The following HMX1 variants were observed in gnomAD, a reference collection of about 807,000 sequenced individuals.
HMX1 encodes H6 family homeobox 1, also known as homeobox protein HMX1.
In HMX1, 8 loss-of-function variants were observed where a neutral mutation model predicts 8.9. The ratio of observed to expected loss-of-function variants is 0.90; its 90% CI spans 0.53 to 1.63. The LOEUF is 1.63. HMX1 is among the 40% of genes most tolerant of loss of function. The pLI is 0.00. For missense variants in HMX1, 621 were observed against 558.5 expected, an observed-to-expected ratio of 1.11 and a Z score of -1.13; for synonymous variants, 311 against 283.4, an observed-to-expected ratio of 1.10 and a Z score of -0.98.
In HMX1 at chr4:8,871,095, C is replaced by A. The variant is rs1722197388; in HGVS notation, c.394+126G>T. 1.9e-6 allele frequency: 2 copies of A among 1,077,616 alleles called. No individual in the cohort carries two copies. Among genetic ancestry groups the A allele is most frequent in the Non-Finnish European group, 2.4e-6 (2 of 845,344 alleles). The allele number at this position is 1,077,616 out of a possible 1,614,324, so 66.8% of individuals were successfully genotyped here. A position where few individuals can be genotyped will look rare whatever the true frequency, so the allele number is the denominator to read the frequency against. On this transcript the variant is annotated intron_variant, in intron 1 of 1. Transcript: ENST00000400677. This position sits in a 1 kb window ranked among gnomAD's most constrained non-coding sequence, Gnocchi z 4.8. ...TCCTGGGGGCCCCACAAGGCCCAGA[C>A]GCCGTTCCACAGAAGGGAGAGGATG...
At chr4:8,857,003 G>A (rs1270773581) in intron 1 of HMX1, among the ~76,000 whole-genome samples, 1 of 152,040 alleles carries the variant, frequency 6.6e-6, no homozygotes, top group Non-Finnish European at 1.5e-5. Flanking sequence ...AGGATCACTC[G>A]AGCCCAGGAA....
In HMX1 at chr4:8,867,714, CGCCCGCAGAAA is replaced by C. The variant is rs1722051931; in HGVS notation, c.1015_1025del (p.Phe339AlafsTer37). 1 of 1,276,408 alleles carries C rather than the reference CGCCCGCAGAAA, an allele frequency of 7.8e-7. No homozygotes were observed. The highest frequency in any genetic ancestry group is 9.8e-7 in the Non-Finnish European group (1 of 1,015,436). The allele number at this position is 1,276,408 out of a possible 1,614,324, so 79.1% of individuals were successfully genotyped here. On this transcript the variant is annotated frameshift_variant, in exon 2 of 2. Transcript: ENST00000400677. LOFTEE classifies it high-confidence loss of function. ...GGGCTCACACCAGGCCAGGCATCTG[CGCCCGCAGAAA>C]GGGCACGGAGGCGGCGGCCGGGAAG...
At position 8,846,357 on chromosome 4, in the gene HMX1, C is replaced by T. The variant is rs145584732; in HGVS notation, c.395-33G>A. On this transcript the variant is annotated intron_variant, in intron 1 of 1. Transcript: ENST00000506970. ...GGAGAAAAACCAGGTATTGGGAGCA[C>T]TAGTCATGTCTGCACAAGGTGTCAG... The T allele has an allele frequency of 8.8e-6, 13 of 1,472,146 alleles. No individual in the cohort carries two copies. The East Asian group carries it at 3.2e-4, about 36-fold the overall frequency. The allele number at this position is 1,472,146 out of a possible 1,614,324, so 91.2% of individuals were successfully genotyped here. A position where few individuals can be genotyped will look rare whatever the true frequency, so the allele number is the denominator to read the frequency against.
downstream of HMX1, among the ~76,000 whole-genome samples, chr4:8,865,508 G>A (rs577580096): frequency 2.0e-4 from 30 of 151,134 alleles, no homozygotes; most frequent in African/African-American, 5.1e-4. Flanking sequence ...CCGCGGTGTC[G>A]CCGGCTGTGC....
At chr4:8,869,455 T>C (rs1176439814) in intron 1 of HMX1, among the ~76,000 whole-genome samples, 2 of 152,238 alleles carry the variant, frequency 1.3e-5, no homozygotes, top group Non-Finnish European at 2.9e-5. Flanking sequence ...GGCCTGGCCC[T>C]GGGCCCCTGG....
intron 1 of HMX1, among the ~76,000 whole-genome samples, chr4:8,857,642 G>C (rs891168600): frequency 6.6e-6 from 1 of 152,244 alleles, no homozygotes; most frequent in African/African-American, 2.4e-5. Flanking sequence ...AGCACGCAGG[G>C]GTCTCCCAGC....
chr4:8,862,193 C>G (rs1203914001), downstream of HMX1, among the ~76,000 whole-genome samples: 4 of 152,232 alleles, frequency 2.6e-5, no homozygotes, highest in Non-Finnish European at 4.4e-5. Flanking sequence ...CTACAGAGAC[C>G]ACGTTAATGG....
At chr4:8,864,971 T>C (rs10046949), downstream of HMX1, among the ~76,000 whole-genome samples, 9,926 of 152,174 alleles carry the variant, frequency 0.065, 1,015 homozygotes, top group African/African-American at 0.22. Flanking sequence ...CTGCACCCTC[T>C]GATGCTGGCT....
chr4:8,858,336 C>T (rs1184397113), intron 1 of HMX1, among the ~76,000 whole-genome samples: 1 of 151,886 alleles, frequency 6.6e-6, no homozygotes, highest in Non-Finnish European at 1.5e-5. Context: ...AGATGCCGAC[C>T]GGCAGAGAAA....
rs536189552 is a variant in HMX1, at chr4:8,849,193, C to T, written c.395-2869G>A. Among the ~76,000 whole-genome samples, 105 of 152,192 alleles carry T rather than the reference C, an allele frequency of 6.9e-4. No homozygotes were observed. Among genetic ancestry groups the T allele is most frequent in the African/African-American group, 2.4e-3 (98 of 41,532 alleles). On this transcript the variant is annotated intron_variant, in intron 1 of 1. Transcript: ENST00000506970. This position sits in a 1 kb window ranked among gnomAD's most constrained non-coding sequence, Gnocchi z 6.6. ...GTCCAACCATGGCAGCTGTCATGAG[C>T]TGAACTGTGTCCTCCCAAATGTGTA... is the stretch of plus-strand genomic sequence containing the variant.
Position 8,868,057 on chromosome 4 carries a change from A to G in HMX1, c.683T>C (p.Leu228Pro), listed in dbSNP as rs751103963. Residue 228 changes from leucine (L) to proline (P), a missense_variant, in exon 2 of 2, where the codon CTG becomes CCG. Coordinates refer to ENST00000400677, the MANE Select transcript of HMX1 (RefSeq NM_018942.3). This position sits in a 1 kb window ranked among gnomAD's most constrained non-coding sequence, Gnocchi z 4.6. Reference sequence around the variant, plus strand: ...CAGGCCGGCGCGCTCGGCGCTGCTCAGGTAGCGCTTCAGGTCGAAGGTGGA... The same window carrying G: ...CAGGCCGGCGCGCTCGGCGCTGCTCGGGTAGCGCTTCAGGTCGAAGGTGGA... ...LESTFDLKRY[L>P]SSAERAGLAA... 2 of 1,541,308 alleles carry G rather than the reference A, an allele frequency of 1.3e-6. No homozygotes were observed. The highest frequency in any genetic ancestry group is 1.7e-6 in the Non-Finnish European group (2 of 1,146,830).
downstream of HMX1, among the ~76,000 whole-genome samples, chr4:8,862,997 T>A (rs1721878312): frequency 1.3e-5 from 2 of 152,262 alleles, no homozygotes; most frequent in South Asian, 4.2e-4. Context: ...GTGATCCGCC[T>A]TGGGGACCTG....
At position 8,859,403 on chromosome 4, in the gene HMX1, C is replaced by A. The variant is rs574717175; in HGVS notation, c.394+11818G>T. On this transcript the variant is annotated intron_variant, in intron 1 of 1. Coordinates refer to the HMX1 transcript ENST00000506970. ...TGGCTTAGAGCTTCCACCCCAATCC[C>A]AGAAAAGGCCCGCGGGACTTAGAAA... Among the ~76,000 whole-genome samples, 8 of 152,320 alleles carry A rather than the reference C, an allele frequency of 5.3e-5. No individual in the cohort carries two copies. The East Asian group carries it at 1.5e-3, about 29-fold the overall frequency.
In HMX1 at chr4:8,853,608, T is replaced by G. The variant is rs537049804; in HGVS notation, c.395-7284A>C. Reference sequence around the variant, plus strand: ...GGCTCACACCTGTAATCCCAGCACTTTGGCAGGCCAAGGCGGGCGGATCAC... The same window carrying G: ...GGCTCACACCTGTAATCCCAGCACTGTGGCAGGCCAAGGCGGGCGGATCAC... On this transcript the variant is annotated intron_variant, in intron 1 of 1. Coordinates refer to the HMX1 transcript ENST00000506970. The surrounding 1 kb of genome is among the most constrained non-coding windows in gnomAD (Gnocchi z 4.7). Among the ~76,000 whole-genome samples the G allele has an allele frequency of 2.8e-4, 42 of 152,320 alleles. No individual in the cohort carries two copies. Among genetic ancestry groups the G allele is most frequent in the African/African-American group, 9.4e-4 (39 of 41,572 alleles).
downstream of HMX1, among the ~76,000 whole-genome samples, chr4:8,864,206 G>C (rs1233959737): frequency 6.6e-6 from 1 of 152,226 alleles, no homozygotes. Context: ...ACAGACCCTA[G>C]TTCTCACCAT....
Position 8,867,421 on chromosome 4 carries a change from C to T in HMX1, c.*272G>A. 3 of 1,084,690 alleles carry T rather than the reference C, an allele frequency of 2.8e-6. No homozygotes were observed. The highest frequency in any genetic ancestry group is 5.8e-5 in the East Asian group (1 of 17,280). The allele number at this position is 1,084,690 out of a possible 1,614,324, so 67.2% of individuals were successfully genotyped here. ...CGCTGAGGCCGGGGGGTGGCCGTGG[C>T]GCCGGGGGCTGCGCAGCCCAGAGTC... On this transcript the variant is annotated 3_prime_UTR_variant, in exon 2 of 2. Transcript: ENST00000400677.
intron 1 of HMX1, among the ~76,000 whole-genome samples, chr4:8,857,610 A>G (rs1721655320): frequency 6.7e-6 from 1 of 148,514 alleles, no homozygotes; most frequent in Admixed American, 6.7e-5. Flanking sequence ...CCCGCAGCCC[A>G]GAAGCCTGGA....
Position 8,867,746 on chromosome 4 carries a change from G to A in HMX1, c.994C>T (p.Pro332Ser). Residue 332 changes from proline to serine, a missense_variant, in exon 2 of 2, where the codon CCG becomes TCG. Pro to Ser is a moderately conservative substitution (Grantham distance 74, BLOSUM62 -1). Coordinates refer to ENST00000400677, the MANE Select transcript of HMX1 (RefSeq NM_018942.3). ...GALAYPLAAF[P>S]AAASVPFLRA... ...AGAAAGGGCACGGAGGCGGCGGCCGGGAAGGCGGCCAGCGGGTAGGCGAGG... is the reference window on the plus strand; with the variant it reads ...AGAAAGGGCACGGAGGCGGCGGCCGAGAAGGCGGCCAGCGGGTAGGCGAGG... 2.3e-6 allele frequency: 3 copies of A among 1,290,800 alleles called. No homozygotes were observed. Among genetic ancestry groups the A allele is most frequent in the Non-Finnish European group, 2.0e-6 (2 of 1,022,766 alleles). The allele number at this position is 1,290,800 out of a possible 1,614,324, so 80.0% of individuals were successfully genotyped here. A position where few individuals can be genotyped will look rare whatever the true frequency, so the allele number is the denominator to read the frequency against.
chr4:8,871,499 T>C lies in HMX1; in HGVS notation c.116A>G (p.Asp39Gly). 7.5e-7 allele frequency: 1 copy of C among 1,328,674 alleles called. No individual in the cohort carries two copies. Among genetic ancestry groups the C allele is most frequent in the Non-Finnish European group, 9.6e-7 (1 of 1,037,378 alleles). The allele number at this position is 1,328,674 out of a possible 1,614,324, so 82.3% of individuals were successfully genotyped here. A position where few individuals can be genotyped will look rare whatever the true frequency, so the allele number is the denominator to read the frequency against. ...CTCCTCCTCGTCCTCCCGGCTGCCG[T>C]CGCCCTGGGTCGCGCGCCCTGCGCC... ...AKGAGRATQGDGSREDEEEDD... is the reference protein window; with the variant it reads ...AKGAGRATQGGGSREDEEEDD... Residue 39 changes from aspartate (D) to glycine (G), a missense_variant, in exon 1 of 2, where the codon GAC becomes GGC. By Grantham distance (94) the Asp-to-Gly change is moderately conservative (BLOSUM62 -1). Coordinates refer to ENST00000400677, the MANE Select transcript of HMX1 (RefSeq NM_018942.3). This position sits in a 1 kb window ranked among gnomAD's most constrained non-coding sequence, Gnocchi z 4.8.
Sources: allele counts gnomAD v4.1 joint callset (sites outside exome capture counted in the v4.1 genomes callset), GRCh38; gene constraint gnomAD v4.1.1; non-coding constraint Gnocchi (gnomAD v3.1); transcripts MANE v1.5; gene names NCBI Gene and HGNC (gene_info 2026-07-23, HGNC 2026-07-21).